Variants in GAMT observed in about 807,000 individuals in gnomAD.
GAMT encodes the protein guanidinoacetate N-methyltransferase, also known as epididymis secretory protein Li 20.
Under a neutral mutation model 26.9 loss-of-function variants are expected in GAMT, and 26 were observed. The ratio of observed to expected loss-of-function variants is 0.97; its 90% CI spans 0.71 to 1.34. The LOEUF (loss-of-function observed/expected upper bound fraction) is 1.34, where lower values mean the gene tolerates loss of function less well. GAMT is among the 40% of genes most tolerant of loss of function. The pLI, the probability that GAMT is intolerant of heterozygous loss-of-function variation, is 0.00. For synonymous variants in GAMT, 169 were observed against 149.6 expected, an observed-to-expected ratio of 1.13 and a Z score of -0.95; for missense variants, 412 against 345.0, an observed-to-expected ratio of 1.19 and a Z score of -1.54.
In GAMT at chr19:1,399,644, C is replaced by G. The variant is rs2082621692; in HGVS notation, c.328-57G>C. On this transcript the variant is annotated intron_variant, in intron 2 of 5. Coordinates refer to ENST00000252288, the MANE Select transcript of GAMT (RefSeq NM_000156.6). This position sits in a 1 kb window ranked among gnomAD's most constrained non-coding sequence, Gnocchi z 6.2. ...GGGTAGAGAGGTCCCCAGGATCTCCCCACCTGCAGAAAGGGAGCGGCCAGG... is the reference window on the plus strand; with the variant it reads ...GGGTAGAGAGGTCCCCAGGATCTCCGCACCTGCAGAAAGGGAGCGGCCAGG... The G allele has an allele frequency of 2.5e-6, 4 of 1,571,578 alleles. No homozygotes were observed. The highest frequency in any genetic ancestry group is 1.7e-6 in the Non-Finnish European group (2 of 1,154,394).
At chr19:1,400,320 C>T (rs1031616536) in intron 1 of GAMT, among the ~76,000 whole-genome samples, 4 of 151,810 alleles carry the variant, frequency 2.6e-5, no homozygotes, top group African/African-American at 9.7e-5. Flanking sequence ...GGAGGGGGTG[C>T]AGGGCTGAAC....
chr19:1,399,084 T>G lies in GAMT; in HGVS notation c.459+44A>C. On this transcript the variant is annotated intron_variant, in intron 4 of 5. Transcript: ENST00000252288. The surrounding 1 kb of genome is among the most constrained non-coding windows in gnomAD (Gnocchi z 6.2). ...GAGGTGGGGGTGTGGGCAGAGGGGC[T>G]TCCCCGAGGGCCTCCCGCATCCCAG... is the stretch of plus-strand genomic sequence containing the variant. 6.2e-7 allele frequency: 1 copy of G among 1,613,096 alleles called. No homozygotes were observed. Among genetic ancestry groups the G allele is most frequent in the Non-Finnish European group, 8.5e-7 (1 of 1,179,832 alleles).
Position 1,401,328 on chromosome 19 carries a change from ATATAG to A in GAMT, c.144_148del (p.Tyr49AlafsTer34). 1 of 1,530,412 alleles carries A rather than the reference ATATAG, an allele frequency of 6.5e-7. No homozygotes were observed. The highest frequency in any genetic ancestry group is 8.7e-7 in the Non-Finnish European group (1 of 1,146,464). 94.8% of individuals were successfully genotyped at this position (1,530,412 alleles called of 1,614,324 possible). On this transcript the variant is annotated frameshift_variant, in exon 1 of 6. Coordinates refer to ENST00000252288, the MANE Select transcript of GAMT (RefSeq NM_000156.6). LOFTEE classifies it high-confidence loss of function. Reference sequence around the variant, plus strand: ...GGAGGCGGCGGCGGCCAGCGCGTGCATATAGGGGGTCTCCCAGCGCTCCATCACCG... The same window carrying A: ...GGAGGCGGCGGCGGCCAGCGCGTGCAGGGGTCTCCCAGCGCTCCATCACCG...
At chr19:1,398,680 G>A in intron 5 of GAMT, 2 of 1,443,376 alleles carry the variant, frequency 1.4e-6, no homozygotes, top group Non-Finnish European at 1.9e-6. Flanking sequence ...CTAGGCTCAA[G>A]CAATCTGCCC....
At position 1,399,932 on chromosome 19, in the gene GAMT, C is replaced by CG; in HGVS notation, c.187dup (p.Arg63ProfsTer22). On this transcript the variant is annotated frameshift_variant, in exon 2 of 6. Coordinates refer to ENST00000252288, the MANE Select transcript of GAMT (RefSeq NM_000156.6). LOFTEE classifies it high-confidence loss of function. The surrounding 1 kb of genome is among the most constrained non-coding windows in gnomAD (Gnocchi z 6.2). Reference sequence around the variant, plus strand: ...CATGCCAAAGCCCACCTCCAGGACCCGGCCCCCTGGGCAGACACAGGGCGC... The same window carrying CG: ...CATGCCAAAGCCCACCTCCAGGACCCGGGCCCCCTGGGCAGACACAGGGCGC... The CG allele has an allele frequency of 6.2e-7, 1 of 1,606,580 alleles. No homozygotes were observed. Among genetic ancestry groups the CG allele is most frequent in the Non-Finnish European group, 8.5e-7 (1 of 1,177,682 alleles).
At position 1,399,235 on chromosome 19, in the gene GAMT, T is replaced by G; in HGVS notation, c.392-40A>C. ...GAAGCCCACGCGGTCAGGGCCGGGCTCAGCGCCTCACCCAGCCTCACCCGG... is the reference window on the plus strand; with the variant it reads ...GAAGCCCACGCGGTCAGGGCCGGGCGCAGCGCCTCACCCAGCCTCACCCGG... On this transcript the variant is annotated intron_variant, in intron 3 of 5. Transcript: ENST00000252288. The surrounding 1 kb of genome is among the most constrained non-coding windows in gnomAD (Gnocchi z 6.2). The G allele has an allele frequency of 6.2e-7, 1 of 1,605,538 alleles. No homozygotes were observed. Among genetic ancestry groups the G allele is most frequent in the Non-Finnish European group, 8.5e-7 (1 of 1,173,280 alleles).
Position 1,399,968 on chromosome 19 carries a change from T to C in GAMT, c.182-30A>G, listed in dbSNP as rs755841439. On this transcript the variant is annotated intron_variant, in intron 1 of 5. Coordinates refer to ENST00000252288, the MANE Select transcript of GAMT (RefSeq NM_000156.6). The surrounding 1 kb of genome is among the most constrained non-coding windows in gnomAD (Gnocchi z 6.2). ...GCAGACACAGGGCGCCTGGCATCAC[T>C]AGGTGGGGCGGGCTTAGGAGGCTGC... 2.5e-6 allele frequency: 4 copies of C among 1,586,860 alleles called. No individual in the cohort carries two copies. The African/African-American group carries it at 4.0e-5, about 16-fold the overall frequency.
chr19:1,399,651 C>A lies in GAMT; in HGVS notation c.328-64G>T. 6.4e-7 allele frequency: 1 copy of A among 1,561,562 alleles called. No individual in the cohort carries two copies. Reference sequence around the variant, plus strand: ...GAGGTCCCCAGGATCTCCCCACCTGCAGAAAGGGAGCGGCCAGGGGGACTC... The same window carrying A: ...GAGGTCCCCAGGATCTCCCCACCTGAAGAAAGGGAGCGGCCAGGGGGACTC... On this transcript the variant is annotated intron_variant, in intron 2 of 5. Coordinates refer to ENST00000252288, the MANE Select transcript of GAMT (RefSeq NM_000156.6). The surrounding 1 kb of genome is among the most constrained non-coding windows in gnomAD (Gnocchi z 6.2).
intron 5 of GAMT, 120 bp downstream of exon 5, chr19:1,398,796 G>C: frequency 1.3e-6 from 2 of 1,555,242 alleles, no homozygotes; most frequent in Non-Finnish European, 1.7e-6. Context: ...GCACAGTCCA[G>C]CCCACCCAGG....
In GAMT at chr19:1,399,495, AC is replaced by A; in HGVS notation, c.391+28del. Reference sequence around the variant, plus strand: ...GGCTGCATTGGAGCTGGGGAGGCCCACCCTGTGATACGTCCCCTCACCCCTC... The same window carrying A: ...GGCTGCATTGGAGCTGGGGAGGCCCACCTGTGATACGTCCCCTCACCCCTC... On this transcript the variant is annotated intron_variant, in intron 3 of 5. Transcript: ENST00000252288. This position sits in a 1 kb window ranked among gnomAD's most constrained non-coding sequence, Gnocchi z 6.2. 1 of 1,600,578 alleles carries A rather than the reference AC, an allele frequency of 6.2e-7. No individual in the cohort carries two copies. The highest frequency in any genetic ancestry group is 8.5e-7 in the Non-Finnish European group (1 of 1,171,334).
rs2144636311 is a variant in GAMT at position 1,398,970 on chromosome 19, G to T, written c.516C>A (p.Thr172=). ...PGGVLTYCNL[T]SWGELMKSKY... ...TGGACTTCATCAGCTCCCCCCAGGA[G>T]GTGAGGTTGCAGTAGGTGAGGACGC... is the stretch of plus-strand genomic sequence containing the variant. Residue 172 remains threonine (T), a synonymous_variant, in exon 5 of 6, where the codon ACC becomes ACA. Transcript: ENST00000252288. The T allele has an allele frequency of 1.2e-6, 2 of 1,613,494 alleles. No individual in the cohort carries two copies. Among genetic ancestry groups the T allele is most frequent in the Non-Finnish European group, 1.7e-6 (2 of 1,180,026 alleles).
intron 1 of GAMT, among the ~76,000 whole-genome samples, 191 bp downstream of exon 1, chr19:1,401,105 G>A (rs966870800): frequency 2.6e-5 from 4 of 152,224 alleles, no homozygotes; most frequent in African/African-American, 7.2e-5. Flanking sequence ...GGTGCCTAAC[G>A]TGTGCGGGCC....
At position 1,399,101 on chromosome 19, in the gene GAMT, G is replaced by A. The variant is rs754901390; in HGVS notation, c.459+27C>T. ...AGAGGGGCTTCCCCGAGGGCCTCCC[G>A]CATCCCAGCAAGTCAGAGAGAACCA... On this transcript the variant is annotated intron_variant, in intron 4 of 5. Coordinates refer to ENST00000252288, the MANE Select transcript of GAMT (RefSeq NM_000156.6). The surrounding 1 kb of genome is among the most constrained non-coding windows in gnomAD (Gnocchi z 6.2). 19 of 1,613,400 alleles carry A rather than the reference G, an allele frequency of 1.2e-5. No homozygotes were observed. The highest frequency in any genetic ancestry group is 4.0e-5 in the African/African-American group (3 of 75,026).
Position 1,398,995 on chromosome 19 carries a change from C to A in GAMT, c.491G>T (p.Gly164Val), listed in dbSNP as rs760101382. 4 of 1,613,230 alleles carry A rather than the reference C, an allele frequency of 2.5e-6. No individual in the cohort carries two copies. The Admixed American group carries it at 6.7e-5, about 27-fold the overall frequency. ...GGTGAGGTTGCAGTAGGTGAGGACG[C>A]CCCCCGGCTTCAGCAGGCGAAAGGC... is the stretch of plus-strand genomic sequence containing the variant. ...NHAFRLLKPG[G>V]VLTYCNLTSW... is the part of the protein sequence containing the mutation. Residue 164 changes from glycine (G) to valine (V), a missense_variant, in exon 5 of 6, where the codon GGC (glycine) becomes GTC (valine). By Grantham distance (109) the Gly-to-Val change is moderately radical. Coordinates refer to ENST00000252288, the MANE Select transcript of GAMT (RefSeq NM_000156.6).
Position 1,399,421 on chromosome 19 carries a change from G to T in GAMT, c.391+103C>A. ...CACAGCCAGGCCCACACCCACTTGG[G>T]CTCTGTCCCCCCAGTGCACATCAGA... On this transcript the variant is annotated intron_variant, in intron 3 of 5. Coordinates refer to ENST00000252288, the MANE Select transcript of GAMT (RefSeq NM_000156.6). The surrounding 1 kb of genome is among the most constrained non-coding windows in gnomAD (Gnocchi z 6.2). 2 of 1,194,900 alleles carry T rather than the reference G, an allele frequency of 1.7e-6. No individual in the cohort carries two copies. Among genetic ancestry groups the T allele is most frequent in the Non-Finnish European group, 2.4e-6 (2 of 830,650 alleles). 74.0% of individuals were successfully genotyped at this position (1,194,900 alleles called of 1,614,324 possible).
At chr19:1,398,783 C>G in intron 5 of GAMT, 133 bp downstream of exon 5, 1 of 1,551,900 alleles carries the variant, frequency 6.4e-7, no homozygotes, top group Non-Finnish European at 8.7e-7. Context: ...TCTAAATGAA[C>G]CAGCACAGTC....
Position 1,399,320 on chromosome 19 carries a change from C to T in GAMT, c.392-125G>A, listed in dbSNP as rs2082619617. ...GGGCCGTGGGTAGAGGTGGGGCTCC[C>T]ACACAGGCTTGAGAACCCCGAGATC... On this transcript the variant is annotated intron_variant, in intron 3 of 5. Coordinates refer to ENST00000252288, the MANE Select transcript of GAMT (RefSeq NM_000156.6). The surrounding 1 kb of genome is among the most constrained non-coding windows in gnomAD (Gnocchi z 6.2). 3.4e-6 allele frequency: 4 copies of T among 1,187,980 alleles called. No homozygotes were observed. Among genetic ancestry groups the T allele is most frequent in the Non-Finnish European group, 5.0e-6 (4 of 805,454 alleles). The allele number at this position is 1,187,980 out of a possible 1,614,324, so 73.6% of individuals were successfully genotyped here.
chr19:1,399,890 T>C lies in GAMT; in HGVS notation c.230A>G (p.Lys77Arg). The C allele has an allele frequency of 1.1e-5, 17 of 1,608,396 alleles. No individual in the cohort carries two copies. The highest frequency in any genetic ancestry group is 1.4e-5 in the Non-Finnish European group (17 of 1,178,222). ...CTCATCAATGGGCGCCTCCTGCACC[T>C]TTGACGCTGCGATGGCCATGCCAAA... ...VGFGMAIAAS[K>R]VQEAPIDEHW... is the part of the protein sequence containing the mutation. Residue 77 changes from lysine (K) to arginine (R), a missense_variant, in exon 2 of 6, where the codon AAG becomes AGG. Transcript: ENST00000252288. This position sits in a 1 kb window ranked among gnomAD's most constrained non-coding sequence, Gnocchi z 6.2.
rs1424920076 is a variant in GAMT at position 1,397,251 on chromosome 19, T to G, written c.*108A>C. 1.2e-5 allele frequency: 16 copies of G among 1,353,750 alleles called. No homozygotes were observed. The East Asian group carries it at 3.8e-4, about 32-fold the overall frequency. The allele number at this position is 1,353,750 out of a possible 1,614,324, so 83.9% of individuals were successfully genotyped here. On this transcript the variant is annotated 3_prime_UTR_variant, in exon 6 of 6. Coordinates refer to ENST00000252288, the MANE Select transcript of GAMT (RefSeq NM_000156.6). ...CCCCTCACAGAGAAGCCGGGAAAGC[T>G]TCTGGTGACACACAGCTGGGATCAG...
Sources: allele counts gnomAD v4.1 joint callset (sites outside exome capture counted in the v4.1 genomes callset), GRCh38; gene constraint gnomAD v4.1.1; non-coding constraint Gnocchi (gnomAD v3.1); transcripts MANE v1.5; gene names NCBI Gene and HGNC (gene_info 2026-07-23, HGNC 2026-07-21).